FBXO34: variants seen among roughly 807,000 people sequenced by gnomAD.
The protein encoded by FBXO34 is F-box only protein 34.
Under a neutral mutation model 24.5 loss-of-function variants are expected in FBXO34, and 12 were observed. The observed-to-expected ratio is 0.49, with a 90% CI of 0.31 to 0.79. The LOEUF (loss-of-function observed/expected upper bound fraction) is 0.79, where lower values mean the gene tolerates loss of function less well. Ranked by LOEUF, FBXO34 falls within the 30% of genes least tolerant of loss-of-function variation. The pLI, the probability that FBXO34 is intolerant of heterozygous loss-of-function variation, is 0.04. For missense variants in FBXO34, 823 were observed against 857.7 expected, an observed-to-expected ratio of 0.96 and a Z score of 0.51; for synonymous variants, 320 against 311.9, an observed-to-expected ratio of 1.03 and a Z score of -0.27.
downstream of FBXO34, among the ~76,000 whole-genome samples, chr14:55,364,033 C>T (rs913293632): frequency 2.0e-5 from 3 of 152,072 alleles, no homozygotes; most frequent in Admixed American, 2.0e-4. Context: ...TCATTGCAAC[C>T]TCTGCCTCCT....
intron 1 of FBXO34, among the ~76,000 whole-genome samples, chr14:55,285,818 A>G (rs1018976808): frequency 1.1e-4 from 17 of 152,222 alleles, no homozygotes; most frequent in Non-Finnish European, 2.5e-4. Context: ...TTTAATGGCT[A>G]TGATTTAAAT....
At chr14:55,409,561 T>TA in the FBXO34 span, among the ~76,000 whole-genome samples, 5,878 of 147,008 alleles carry the variant, frequency 0.04, 149 homozygotes, top group Non-Finnish European at 0.061. Flanking sequence ...AGCAGGCACC[T>TA]AAAAAAAAAA....
the FBXO34 span, among the ~76,000 whole-genome samples, chr14:55,380,875 A>ATATATATATTT: frequency 5.4e-4 from 61 of 112,688 alleles, no homozygotes; most frequent in African/African-American, 2.2e-3. Context: ...ATATATATAT[A>ATATATATATTT]TTTTTTTTTT....
At chr14:55,340,748 A>G (rs1222532987) in intron 1 of FBXO34, among the ~76,000 whole-genome samples, 1 of 152,146 alleles carries the variant, frequency 6.6e-6, no homozygotes, top group African/African-American at 2.4e-5. Context: ...TTTATACTCT[A>G]GAATTAGTAG....
downstream of FBXO34, among the ~76,000 whole-genome samples, chr14:55,372,546 T>C (rs571631270): frequency 9.2e-5 from 14 of 151,638 alleles, no homozygotes; most frequent in African/African-American, 3.2e-4. Flanking sequence ...CCCTTCCTTC[T>C]TTCCCTTTCT....
the FBXO34 span, chr14:55,414,443 C>T: frequency 2.5e-6 from 4 of 1,604,738 alleles, no homozygotes; most frequent in African/African-American, 1.3e-5. Flanking sequence ...GATCTCAGAA[C>T]GTTCTTTGGC....
At chr14:55,373,074 C>T (rs550476477), downstream of FBXO34, among the ~76,000 whole-genome samples, 1 of 152,280 alleles carries the variant, frequency 6.6e-6, no homozygotes, top group South Asian at 2.1e-4. Context: ...GATACATCAC[C>T]TGCCTGCCAG....
chr14:55,383,368 T>C, the FBXO34 span, among the ~76,000 whole-genome samples: 3 of 151,686 alleles, frequency 2.0e-5, no homozygotes, highest in East Asian at 1.9e-4. Context: ...CTGGCCAACA[T>C]GGTGAAATGC....
At chr14:55,400,651 G>C in the FBXO34 span, among the ~76,000 whole-genome samples, 85,024 of 151,964 alleles carry the variant, frequency 0.56, 26,753 homozygotes, top group African/African-American at 0.87. Context: ...ACCTGTAATC[G>C]CAGCACTTTG....
At chr14:55,365,006 A>C (rs1446582283), downstream of FBXO34, among the ~76,000 whole-genome samples, 1 of 149,230 alleles carries the variant, frequency 6.7e-6, no homozygotes, top group African/African-American at 2.5e-5. Flanking sequence ...AGATCACGAG[A>C]TCAGGAGATT....
downstream of FBXO34, among the ~76,000 whole-genome samples, chr14:55,365,733 T>C (rs1410025683): frequency 2.6e-5 from 4 of 152,106 alleles, no homozygotes; most frequent in African/African-American, 9.7e-5. Context: ...ACCCTTCCGT[T>C]TCCTTGCCTA....
intron 1 of FBXO34, among the ~76,000 whole-genome samples, chr14:55,284,395 C>G (rs1881680994): frequency 6.6e-6 from 1 of 151,606 alleles, no homozygotes; most frequent in Non-Finnish European, 1.5e-5. Flanking sequence ...TGTCTGTAAT[C>G]CCAGCTACTC....
At chr14:55,422,192 G>C in the FBXO34 span, among the ~76,000 whole-genome samples, 1 of 152,206 alleles carries the variant, frequency 6.6e-6, no homozygotes, top group Non-Finnish European at 1.5e-5. Flanking sequence ...CGTTAAGTTG[G>C]TTGGCTAGCT....
the FBXO34 span, chr14:55,414,377 G>C: frequency 6.3e-7 from 1 of 1,596,738 alleles, no homozygotes; most frequent in Non-Finnish European, 8.5e-7. Flanking sequence ...TGAATGATAT[G>C]CTCAGGCTTT....
At chr14:55,335,578 T>C (rs1184313188) in intron 1 of FBXO34, among the ~76,000 whole-genome samples, 1 of 152,232 alleles carries the variant, frequency 6.6e-6, no homozygotes, top group African/African-American at 2.4e-5. Flanking sequence ...TTTAGGCAAC[T>C]CATTTGACTA....
intron 1 of FBXO34, among the ~76,000 whole-genome samples, chr14:55,284,372 G>C (rs1881679839): frequency 6.6e-6 from 1 of 151,870 alleles, no homozygotes; most frequent in Admixed American, 6.6e-5. Context: ...AATTAGCCGG[G>C]CGTGGTGGTA....
the FBXO34 span, among the ~76,000 whole-genome samples, chr14:55,376,339 A>G: frequency 6.6e-6 from 1 of 152,238 alleles, no homozygotes; most frequent in Non-Finnish European, 1.5e-5. Flanking sequence ...CAGGTAAGGT[A>G]CAGAGAGGAT....
At chr14:55,438,424 C>T in the FBXO34 span, among the ~76,000 whole-genome samples, 3 of 152,194 alleles carry the variant, frequency 2.0e-5, no homozygotes, top group Non-Finnish European at 2.9e-5. Flanking sequence ...CACAGAGTGG[C>T]CTAAGAAAAG....
At chr14:55,362,356 T>A (rs1355482205), downstream of FBXO34, among the ~76,000 whole-genome samples, 1 of 152,110 alleles carries the variant, frequency 6.6e-6, no homozygotes, top group Non-Finnish European at 1.5e-5. Flanking sequence ...ACAGATATAA[T>A]GAAGAGATTT....
Sources: allele counts gnomAD v4.1 joint callset (sites outside exome capture counted in the v4.1 genomes callset), GRCh38; gene constraint gnomAD v4.1.1; transcripts MANE v1.5; gene names NCBI Gene and HGNC (gene_info 2026-07-23, HGNC 2026-07-21).